The following PDGFB variants were observed in gnomAD, a reference collection of about 807,000 sequenced individuals.
The protein encoded by PDGFB is platelet-derived growth factor subunit B.
A neutral mutation model predicts 29.0 loss-of-function variants in PDGFB; 6 were observed. The observed-to-expected ratio is 0.21, with a 90% confidence interval of 0.11 to 0.41. The LOEUF is 0.41. PDGFB is among the 10% of genes least tolerant of loss of function. PDGFB has a pLI of 1.00. For missense variants in PDGFB, 299 were observed against 341.8 expected, an observed-to-expected ratio of 0.87 and a Z score of 0.99; for synonymous variants, 144 against 140.8, an observed-to-expected ratio of 1.02 and a Z score of -0.16.
Position 39,231,721 on chromosome 22 carries a change from C to G in PDGFB, c.357G>C (p.Leu119=). Residue 119 remains leucine (L), a synonymous_variant, in exon 4 of 7, where the codon CTG becomes CTC. Coordinates refer to ENST00000331163, the MANE Select transcript of PDGFB (RefSeq NM_002608.4). This position sits in a 1 kb window ranked among gnomAD's most constrained non-coding sequence, Gnocchi z 4.3. ...GCACCTCCACACAGGGCGGCCACAC[C>G]AGGAAGTTGGCGTTGGTGCGGTCTA... ...RLIDRTNANF[L]VWPPCVEVQR... 3 of 1,611,752 alleles carry G rather than the reference C, an allele frequency of 1.9e-6. No individual in the cohort carries two copies. The highest frequency in any genetic ancestry group is 2.5e-6 in the Non-Finnish European group (3 of 1,179,232).
At chr22:39,240,992 G>C in intron 1 of PDGFB, 1 of 1,149,748 alleles carries the variant, frequency 8.7e-7, no homozygotes, top group Non-Finnish European at 1.3e-6. Flanking sequence ...TCCAAATTCT[G>C]TTTGACCTGC....
chr22:39,225,685 T>C lies in PDGFB; in HGVS notation c.*28+10A>G, dbSNP rs754733832. On this transcript the variant is annotated intron_variant, in intron 6 of 6. Coordinates refer to ENST00000331163, the MANE Select transcript of PDGFB (RefSeq NM_002608.4). ...GATTCTGGGCCTCAGTTGCCCCGCC[T>C]GGCCCTCACCTGCCCACACACTCTC... 6.3e-7 allele frequency: 1 copy of C among 1,599,436 alleles called. No homozygotes were observed. The highest frequency in any genetic ancestry group is 2.3e-5 in the East Asian group (1 of 44,388).
chr22:39,231,010 G>A lies in PDGFB; in HGVS notation c.456+612C>T, dbSNP rs1932289384. Reference sequence around the variant, plus strand: ...CTCTAGAATTTTCCCTGAGTCCAGTGTATGTATCCCCCGTCCCTCCGAAGA... The same window carrying A: ...CTCTAGAATTTTCCCTGAGTCCAGTATATGTATCCCCCGTCCCTCCGAAGA... On this transcript the variant is annotated intron_variant, in intron 4 of 6. Coordinates refer to ENST00000331163, the MANE Select transcript of PDGFB (RefSeq NM_002608.4). The surrounding 1 kb of genome is among the most constrained non-coding windows in gnomAD (Gnocchi z 4.3). Among the ~76,000 whole-genome samples, 1 of 152,230 alleles carries A rather than the reference G, an allele frequency of 6.6e-6. No individual in the cohort carries two copies. Among genetic ancestry groups the A allele is most frequent in the Non-Finnish European group, 1.5e-5 (1 of 68,038 alleles).
intron 3 of PDGFB, among the ~76,000 whole-genome samples, chr22:39,232,846 C>T (rs970828641): frequency 1.3e-5 from 2 of 152,198 alleles, no homozygotes; most frequent in Non-Finnish European, 2.9e-5. Context: ...GTTTTGGGGA[C>T]TCCAGGTGTC....
rs1418243439 is a variant in PDGFB at position 39,223,953 on chromosome 22, C to A, written c.*1389G>T. 1 of 152,174 alleles carries A rather than the reference C, an allele frequency of 6.6e-6. No individual in the cohort carries two copies. Among genetic ancestry groups the A allele is most frequent in the Non-Finnish European group, 1.5e-5 (1 of 68,020 alleles). 9.4% of individuals were successfully genotyped at this position (152,174 alleles called of 1,614,324 possible). ...CGAGCTGGTTTCCTAGGAGGAGCCA[C>A]CAGAGGTGGAGCTCAGAAGGATCAA... On this transcript the variant is annotated 3_prime_UTR_variant, in exon 7 of 7. Coordinates refer to ENST00000331163, the MANE Select transcript of PDGFB (RefSeq NM_002608.4).
intron 2 of PDGFB, 59 bp downstream of exon 2, chr22:39,235,719 T>G: frequency 1.6e-6 from 2 of 1,236,130 alleles, no homozygotes; most frequent in Non-Finnish European, 2.4e-6. Context: ...GTCCTGCCCC[T>G]CCCAGATCTC....
intron 5 of PDGFB, among the ~76,000 whole-genome samples, chr22:39,228,661 G>T (rs1043773268): frequency 6.6e-6 from 1 of 152,176 alleles, no homozygotes; most frequent in African/African-American, 2.4e-5. Context: ...GGCCGAGGCA[G>T]GTGGATCACT....
chr22:39,226,557 C>T (rs1029624827), intron 5 of PDGFB, among the ~76,000 whole-genome samples: 1 of 152,210 alleles, frequency 6.6e-6, no homozygotes, highest in Admixed American at 6.5e-5. Flanking sequence ...AATAGAACTG[C>T]CCAGCTGAGC....
intron 1 of PDGFB, among the ~76,000 whole-genome samples, chr22:39,236,866 C>T (rs942550384): frequency 6.6e-6 from 1 of 152,212 alleles, no homozygotes; most frequent in Non-Finnish European, 1.5e-5. Flanking sequence ...TGTGCAAACA[C>T]ACACGTGCAG....
In PDGFB at chr22:39,243,239, C is replaced by T. The variant is rs944624797; in HGVS notation, c.63+662G>A. ...CTATCTTTCTCTCCCTCTCTCTCTC[C>T]GTCTCTCTCTCCGTCTCTCTCTCTC... On this transcript the variant is annotated intron_variant, in intron 1 of 6. Transcript: ENST00000331163. This position sits in a 1 kb window ranked among gnomAD's most constrained non-coding sequence, Gnocchi z 6.4. 1.4e-5 allele frequency among the ~76,000 whole-genome samples: 2 copies of T among 147,218 alleles called. No homozygotes were observed. Among genetic ancestry groups the T allele is most frequent in the Non-Finnish European group, 3.0e-5 (2 of 66,560 alleles).
intron 1 of PDGFB, chr22:39,240,901 T>C (rs374681700): frequency 1.7e-4 from 275 of 1,602,464 alleles, no homozygotes; most frequent in Non-Finnish European, 2.2e-4. Flanking sequence ...TCAGTCTCTC[T>C]CTCTCTCTCT....
chr22:39,241,084 G>A, intron 1 of PDGFB: 3 of 624,382 alleles, frequency 4.8e-6, no homozygotes, highest in Non-Finnish European at 2.9e-6. Context: ...GAGGAAGCTG[G>A]ATGGCAAAGG....
intron 1 of PDGFB, among the ~76,000 whole-genome samples, chr22:39,238,793 AACCAGGGCCCAGTGGGCCCCC>A (rs1242715662): frequency 6.6e-6 from 1 of 152,232 alleles, no homozygotes; most frequent in African/African-American, 2.4e-5. Flanking sequence ...AGAGGCTCTC[AACCAGGGCCCAGTGGGCCCCC>A]AGGGGACAGT....
chr22:39,235,122 C>T (rs746181967), intron 2 of PDGFB, among the ~76,000 whole-genome samples: 11 of 152,168 alleles, frequency 7.2e-5, no homozygotes, highest in Non-Finnish European at 1.3e-4. Context: ...CCGTAGATAG[C>T]GTCTGGGCAA....
rs34006421 is a variant in PDGFB at position 39,231,368 on chromosome 22, CG to C, written c.456+253del. Among the ~76,000 whole-genome samples, 1 of 152,188 alleles carries C rather than the reference CG, an allele frequency of 6.6e-6. No homozygotes were observed. Among genetic ancestry groups the C allele is most frequent in the Non-Finnish European group, 1.5e-5 (1 of 68,038 alleles). The stretch of plus-strand genomic sequence containing the variant: ...CGTTGGCTCCACACCTCGCCCAGCC[CG>C]GGGGGTCTGTCTGTGGCTTTTGGCT... On this transcript the variant is annotated intron_variant, in intron 4 of 6. Transcript: ENST00000331163. The surrounding 1 kb of genome is among the most constrained non-coding windows in gnomAD (Gnocchi z 4.3).
Position 39,244,725 on chromosome 22 carries a change from G to GGCTGCGGGCTGCGA in PDGFB, c.-776_-763dup, listed in dbSNP as rs1203102537. ...CTCGCCGCTCTGGGCGTCCTCTGCG[G>GGCTGCGGGCTGCGA]GCTGCGGGCTGCGAGCTGCGAGCTG... On this transcript the variant is annotated 5_prime_UTR_variant, in exon 1 of 7. Transcript: ENST00000331163. This position sits in a 1 kb window ranked among gnomAD's most constrained non-coding sequence, Gnocchi z 4.5. 1 of 181,716 alleles carries GGCTGCGGGCTGCGA rather than the reference G, an allele frequency of 5.5e-6. No individual in the cohort carries two copies. Among genetic ancestry groups the GGCTGCGGGCTGCGA allele is most frequent in the South Asian group, 1.9e-4 (1 of 5,130 alleles). 11.3% of individuals were successfully genotyped at this position (181,716 alleles called of 1,614,324 possible). A position where few individuals can be genotyped will look rare whatever the true frequency, so the allele number is the denominator to read the frequency against.
chr22:39,238,046 C>T (rs936911819), intron 1 of PDGFB, among the ~76,000 whole-genome samples: 112 of 152,198 alleles, frequency 7.4e-4, no homozygotes, highest in African/African-American at 2.7e-3. Context: ...GATCTCCCTG[C>T]CCACTGGAGA....
Position 39,244,858 on chromosome 22 carries a change from CTCTA to C in PDGFB, c.-899_-896del, listed in dbSNP as rs955126692. 1.1e-5 allele frequency: 2 copies of C among 187,418 alleles called. No individual in the cohort carries two copies. The highest frequency in any genetic ancestry group is 4.8e-5 in the African/African-American group (2 of 41,428). 11.6% of individuals were successfully genotyped at this position (187,418 alleles called of 1,614,324 possible). The stretch of plus-strand genomic sequence containing the variant: ...ATGTATGTGTGTGCGCGCAAAGTAT[CTCTA>C]TCTAGGGAATGAAAAATGGGCGCTG... On this transcript the variant is annotated 5_prime_UTR_variant, in exon 1 of 7. Transcript: ENST00000331163. This position sits in a 1 kb window ranked among gnomAD's most constrained non-coding sequence, Gnocchi z 4.5.
chr22:39,242,529 C>G lies in PDGFB; in HGVS notation c.63+1372G>C, dbSNP rs1932591321. 6.6e-6 allele frequency among the ~76,000 whole-genome samples: 1 copy of G among 150,558 alleles called. No individual in the cohort carries two copies. The highest frequency in any genetic ancestry group is 2.1e-4 in the South Asian group (1 of 4,816). ...GGGGCCTGAAGGCGGCCCGGCCGAG[C>G]CCCGCGTCCTCCCTCCCGGGTGCGG... On this transcript the variant is annotated intron_variant, in intron 1 of 6. Coordinates refer to ENST00000331163, the MANE Select transcript of PDGFB (RefSeq NM_002608.4). The surrounding 1 kb of genome is among the most constrained non-coding windows in gnomAD (Gnocchi z 5.7).
Sources: gnomAD v4.1 joint callset for allele counts (sites outside exome capture counted in the v4.1 genomes callset) on GRCh38, gnomAD v4.1.1 for gene constraint, Gnocchi (gnomAD v3.1) non-coding constraint, MANE v1.5 for transcripts, NCBI Gene and HGNC (gene_info 2026-07-23, HGNC 2026-07-21) for gene names.